EYS: variants seen among roughly 807,000 people sequenced by gnomAD.
The protein encoded by EYS is EGF-like photoreceptor maintenance factor, also known as protein eyes shut homolog.
Under a neutral mutation model 282.1 loss-of-function variants are expected in EYS, and 250 were observed. The ratio of observed to expected loss-of-function variants is 0.89; its 90% confidence interval spans 0.80 to 0.98. The LOEUF is 0.98. Among genes scored for constraint, EYS ranks in the 50% least tolerant of loss-of-function variants. The pLI is 0.00. For missense variants in EYS, 4,016 were observed against 3,709.0 expected (o/e 1.08, Z -2.15); for synonymous variants, 1,355 against 1,282.9 (o/e 1.06, Z -1.20).
intron 35 of EYS, among the ~76,000 whole-genome samples, chr6:63,878,643 C>A (rs1773044723): frequency 6.6e-6 from 1 of 152,192 alleles, no homozygotes; most frequent in Non-Finnish European, 1.5e-5. Context: ...AGCTTCCTGG[C>A]TGCTTTGTTT....
rs576129209 is a variant in EYS at position 64,855,275 on chromosome 6, C to G, written c.2992+31422G>C. On this transcript the variant is annotated intron_variant, in intron 19 of 42. Coordinates refer to ENST00000503581, the MANE Select transcript of EYS (RefSeq NM_001142800.2). ...TTTTTGTAGAAATCTTGGCCTTTAT[C>G]TTTTCAAAATTTCTTCTTCCTTGTT... Among the ~76,000 whole-genome samples, 77 of 152,002 alleles carry G rather than the reference C, an allele frequency of 5.1e-4. 1 individual carries two copies. Among genetic ancestry groups the G allele is most frequent in the African/African-American group, 1.8e-3 (74 of 41,492 alleles).
chr6:65,604,766 A>T (rs1281945154), intron 2 of EYS, among the ~76,000 whole-genome samples: 2 of 151,862 alleles, frequency 1.3e-5, no homozygotes, highest in Non-Finnish European at 2.9e-5. Context: ...CCACGAGTTT[A>T]AATAAATATT....
intron 29 of EYS, among the ~76,000 whole-genome samples, chr6:64,366,325 A>G (rs1415238692): frequency 6.6e-6 from 1 of 152,052 alleles, no homozygotes; most frequent in African/African-American, 2.4e-5. Flanking sequence ...AAGAAGTCCA[A>G]GAAAGTTGAG....
intron 35 of EYS, among the ~76,000 whole-genome samples, chr6:63,906,079 G>A (rs1773773538): frequency 6.6e-6 from 1 of 152,166 alleles, no homozygotes; most frequent in African/African-American, 2.4e-5. Context: ...TGCTAATGTT[G>A]TCACTATGCT....
At chr6:64,751,222 TC>T (rs1197507551) in intron 22 of EYS, among the ~76,000 whole-genome samples, 1 of 152,094 alleles carries the variant, frequency 6.6e-6, no homozygotes, top group Non-Finnish European at 1.5e-5. Context: ...GCACATTTGC[TC>T]CCCTGGTTTT....
chr6:65,213,790 G>A (rs1319824343), intron 12 of EYS, among the ~76,000 whole-genome samples: 1 of 152,082 alleles, frequency 6.6e-6, no homozygotes, highest in Non-Finnish European at 1.5e-5. Context: ...GCCTTTAAGT[G>A]TTCAAGTGAA....
chr6:64,348,671 T>C (rs941034208), intron 29 of EYS, among the ~76,000 whole-genome samples: 1 of 151,462 alleles, frequency 6.6e-6, no homozygotes, highest in African/African-American at 2.4e-5. Flanking sequence ...CTAAACTTGT[T>C]TGGGAAAGGA....
intron 12 of EYS, among the ~76,000 whole-genome samples, chr6:65,214,083 C>T (rs1471460472): frequency 4.2e-5 from 6 of 142,434 alleles, no homozygotes; most frequent in East Asian, 2.2e-4. Context: ...GGTGTGGACC[C>T]GGGAGGTGGA....
chr6:65,114,970 TA>T (rs1381796517), intron 12 of EYS, among the ~76,000 whole-genome samples: 1 of 152,074 alleles, frequency 6.6e-6, no homozygotes, highest in African/African-American at 2.4e-5. Flanking sequence ...TGTTATCTTT[TA>T]CCCTTGCATG....
intron 19 of EYS, among the ~76,000 whole-genome samples, chr6:64,879,378 G>T (rs1367046407): frequency 6.6e-6 from 1 of 151,888 alleles, no homozygotes; most frequent in Admixed American, 6.6e-5. Context: ...GATATTCAAG[G>T]ATTTTCTCAT....
intron 5 of EYS, among the ~76,000 whole-genome samples, chr6:65,412,846 G>A (rs572808614): frequency 9.9e-5 from 15 of 152,160 alleles, no homozygotes; most frequent in African/African-American, 3.4e-4. Flanking sequence ...TATCTATTTA[G>A]TTTTTCTTTT....
chr6:63,931,910 C>A (rs753000116), intron 35 of EYS, among the ~76,000 whole-genome samples: 1 of 152,176 alleles, frequency 6.6e-6, no homozygotes, highest in African/African-American at 2.4e-5. Context: ...GTTACCCAGT[C>A]TCTCTTCATC....
At chr6:64,384,090 T>G (rs916751292) in intron 29 of EYS, among the ~76,000 whole-genome samples, 1 of 152,190 alleles carries the variant, frequency 6.6e-6, no homozygotes, top group South Asian at 2.1e-4. Flanking sequence ...TTTAGACATT[T>G]CATAGTAATT....
chr6:64,840,899 A>G (rs542984410), intron 19 of EYS, among the ~76,000 whole-genome samples: 35 of 152,240 alleles, frequency 2.3e-4, no homozygotes, highest in African/African-American at 8.2e-4. Flanking sequence ...CAGACTAGCC[A>G]TTTCAAATGC....
At chr6:63,918,639 G>A (rs1042278344) in intron 35 of EYS, among the ~76,000 whole-genome samples, 6 of 152,176 alleles carry the variant, frequency 3.9e-5, no homozygotes, top group Non-Finnish European at 7.3e-5. Context: ...AAATCTTCAA[G>A]CTGAGGGAGA....
intron 26 of EYS, among the ~76,000 whole-genome samples, chr6:64,485,324 C>T (rs953180611): frequency 6.6e-6 from 1 of 151,430 alleles, no homozygotes; most frequent in South Asian, 2.1e-4. Context: ...CATTAGGAGG[C>T]CAAAACTTGA....
At chr6:63,937,592 AG>A (rs1765110718) in intron 35 of EYS, among the ~76,000 whole-genome samples, 2 of 151,576 alleles carry the variant, frequency 1.3e-5, no homozygotes, top group Admixed American at 1.3e-4. Flanking sequence ...TGTGTTAGCC[AG>A]GATGGTCTCA....
intron 11 of EYS, chr6:65,329,555 T>C (rs1381199867): frequency 1.0e-6 from 1 of 982,878 alleles, no homozygotes; most frequent in Non-Finnish European, 1.2e-6. Flanking sequence ...GACACTTTCA[T>C]ATGCAGTTCG....
At chr6:64,993,175 C>T (rs895949514) in intron 14 of EYS, among the ~76,000 whole-genome samples, 22 of 152,014 alleles carry the variant, frequency 1.4e-4, no homozygotes, top group African/African-American at 4.3e-4. Context: ...AGGAAATAAG[C>T]GACTCTCAAA....
Sources: gnomAD v4.1 joint callset for allele counts (sites outside exome capture counted in the v4.1 genomes callset) on GRCh38, gnomAD v4.1.1 for gene constraint, MANE v1.5 for transcripts, NCBI Gene and HGNC (gene_info 2026-07-23, HGNC 2026-07-21) for gene names.